The following RAE1 variants were observed in gnomAD, a reference collection of about 807,000 sequenced individuals.
RAE1 encodes the protein mRNA export factor RAE1.
A neutral mutation model predicts 52.7 loss-of-function variants in RAE1; 13 were observed. The ratio of observed to expected loss-of-function variants is 0.25; its 90% CI spans 0.16 to 0.39. The LOEUF is 0.39. Ranked by LOEUF, RAE1 falls within the 10% of genes least tolerant of loss-of-function variation. The pLI is 1.00. For missense variants in RAE1, 262 were observed against 459.8 expected, an observed-to-expected ratio of 0.57 and a Z score of 3.93; for synonymous variants, 164 against 153.1, an observed-to-expected ratio of 1.07 and a Z score of -0.52.
intron 11 of RAE1, 53 bp downstream of exon 11, chr20:57,374,854 T>G: frequency 6.2e-7 from 1 of 1,603,886 alleles, no homozygotes; most frequent in Non-Finnish European, 8.5e-7. Flanking sequence ...AGCCAGGCTC[T>G]GGGTTCAGAA....
chr20:57,362,392 G>A (rs2066902801), intron 4 of RAE1, among the ~76,000 whole-genome samples: 1 of 152,148 alleles, frequency 6.6e-6, no homozygotes, highest in South Asian at 2.1e-4. Flanking sequence ...GAAAAGTGAA[G>A]CATTCATTTC....
chr20:57,376,379 A>G (rs2146183316), intron 11 of RAE1, among the ~76,000 whole-genome samples: 1 of 152,324 alleles, frequency 6.6e-6, no homozygotes. Context: ...TTTTGTGTAT[A>G]TTACTGTAAT....
At position 57,351,359 on chromosome 20, in the gene RAE1, G is replaced by T. The variant is rs766507329; in HGVS notation, c.-71G>T. 5.4e-5 allele frequency: 53 copies of T among 985,438 alleles called. No homozygotes were observed. The highest frequency in any genetic ancestry group is 6.4e-5 in the Non-Finnish European group (53 of 829,964). 61.0% of individuals were successfully genotyped at this position (985,438 alleles called of 1,614,324 possible). ...GCCCTCGTCCTTCGCGCCAGAGCAG[G>T]TTCGCAAACTCCTCAGACCCTTCTG... On this transcript the variant is annotated 5_prime_UTR_variant, in exon 1 of 12. Coordinates refer to ENST00000395841, the MANE Select transcript of RAE1 (RefSeq NM_003610.4).
At chr20:57,376,202 CCT>C (rs2067112313) in intron 11 of RAE1, among the ~76,000 whole-genome samples, 2 of 152,200 alleles carry the variant, frequency 1.3e-5, no homozygotes, top group African/African-American at 4.8e-5. Context: ...TCTGTGTTTC[CCT>C]GTTTGAGGGT....
chr20:57,363,669 T>TA (rs2066918278), intron 4 of RAE1, among the ~76,000 whole-genome samples: 1 of 152,034 alleles, frequency 6.6e-6, no homozygotes, highest in Non-Finnish European at 1.5e-5. Context: ...ACCGTGTCTC[T>TA]AAAAAAATAA....
chr20:57,373,781 C>G (rs759584863), intron 10 of RAE1, 43 bp downstream of exon 10: 1 of 1,574,648 alleles, frequency 6.4e-7, no homozygotes, highest in Non-Finnish European at 8.7e-7. Context: ...CATCTGGAAA[C>G]CAGACTTGGA....
Position 57,365,376 on chromosome 20 carries a change from G to A in RAE1, c.309G>A (p.Thr103=), listed in dbSNP as rs141168967. ...TTTAGGATGGGAGCAAAGTGTTTACGGCATCGTGTGATAAAACTGCCAAAA... is the reference window on the plus strand; with the variant it reads ...TTTAGGATGGGAGCAAAGTGTTTACAGCATCGTGTGATAAAACTGCCAAAA... ...CWSDDGSKVF[T]ASCDKTAKMW... is the part of the protein sequence containing the mutation. Residue 103 remains threonine, a synonymous_variant, in exon 5 of 12, where the codon ACG becomes ACA. Transcript: ENST00000395841. 1.1e-4 allele frequency: 174 copies of A among 1,609,296 alleles called. 2 individuals carry two copies. Among genetic ancestry groups the A allele is most frequent in the African/African-American group, 8.4e-4 (63 of 74,862 alleles).
intron 1 of RAE1, chr20:57,352,119 A>T (rs747532655): frequency 3.4e-5 from 12 of 351,202 alleles, no homozygotes; most frequent in Non-Finnish European, 4.8e-5. Context: ...GAAGCGTCTG[A>T]GGAGGTGACT....
chr20:57,366,909 G>A lies in RAE1; in HGVS notation c.462+16G>A. On this transcript the variant is annotated intron_variant, in intron 6 of 11. Transcript: ENST00000395841. ...GACTTTAAAGGTATAATGTGCAGTT[G>A]AGGCATTGTTTGGCCCCATCAGGAT... 3.1e-6 allele frequency: 5 copies of A among 1,600,988 alleles called. No homozygotes were observed. The highest frequency in any genetic ancestry group is 8.6e-7 in the Non-Finnish European group (1 of 1,168,084).
intron 5 of RAE1, among the ~76,000 whole-genome samples, chr20:57,365,673 A>G (rs1423911712): frequency 6.6e-6 from 1 of 152,152 alleles, no homozygotes; most frequent in Admixed American, 6.5e-5. Context: ...TCATATATGT[A>G]TGGATGGAGT....
chr20:57,375,948 G>A lies in RAE1; in HGVS notation c.1020+1147G>A, dbSNP rs117376471. ...GCCCCTCTTGCCTTGCTGGCCCCCCGCTATCTCAGCCTGGGGGGCCACCAC... is the reference window on the plus strand; with the variant it reads ...GCCCCTCTTGCCTTGCTGGCCCCCCACTATCTCAGCCTGGGGGGCCACCAC... On this transcript the variant is annotated intron_variant, in intron 11 of 11. Coordinates refer to ENST00000395841, the MANE Select transcript of RAE1 (RefSeq NM_003610.4). Among the ~76,000 whole-genome samples, 20 of 152,256 alleles carry A rather than the reference G, an allele frequency of 1.3e-4. No individual in the cohort carries two copies. In the East Asian group the frequency reaches 1.5e-3, roughly 12 times the overall value.
At chr20:57,373,777 G>A (rs1396110112) in intron 10 of RAE1, 39 bp downstream of exon 10, 3 of 1,579,698 alleles carry the variant, frequency 1.9e-6, no homozygotes, top group African/African-American at 2.7e-5. Flanking sequence ...AATACATCTG[G>A]AAACCAGACT....
chr20:57,365,876 G>A (rs572726403), intron 5 of RAE1, among the ~76,000 whole-genome samples: 12 of 152,208 alleles, frequency 7.9e-5, no homozygotes, highest in South Asian at 4.1e-4. Context: ...TTCCCCACAC[G>A]TGTGGAACTT....
intron 3 of RAE1, among the ~76,000 whole-genome samples, chr20:57,355,214 A>G (rs1329488031): frequency 6.6e-6 from 1 of 152,182 alleles, no homozygotes; most frequent in Non-Finnish European, 1.5e-5. Context: ...TTGCCTAGAT[A>G]CTTACTCATC....
chr20:57,365,229 C>A, intron 4 of RAE1, 127 bp from the exon 5 acceptor site: 1 of 590,556 alleles, frequency 1.7e-6, no homozygotes, highest in Non-Finnish European at 2.8e-6. Context: ...TACACTGGTC[C>A]CCAAACAATT....
chr20:57,366,466 A>C (rs903120411), intron 5 of RAE1, among the ~76,000 whole-genome samples: 1 of 152,202 alleles, frequency 6.6e-6, no homozygotes. Context: ...AAAGAGAGCT[A>C]TGGGAGAGAG....
At chr20:57,352,071 G>A (rs917966477) in intron 1 of RAE1, 13 of 768,652 alleles carry the variant, frequency 1.7e-5, no homozygotes, top group Non-Finnish European at 2.1e-5. Context: ...AAATTCCAGG[G>A]GATGTGATGG....
chr20:57,373,437 T>C, intron 8 of RAE1, 38 bp from the exon 9 acceptor site: 1 of 1,576,484 alleles, frequency 6.3e-7, no homozygotes, highest in Non-Finnish European at 8.7e-7. Flanking sequence ...AATCTTATAT[T>C]ATGCTGTGAT....
At position 57,379,069 on chromosome 20, in the gene RAE1, T is replaced by G. The variant is rs910546838; in HGVS notation, c.*970T>G. 9.2e-5 allele frequency: 14 copies of G among 152,210 alleles called. No individual in the cohort carries two copies. The highest frequency in any genetic ancestry group is 3.3e-4 in the Admixed American group (5 of 15,272). The allele number at this position is 152,210 out of a possible 1,614,324, so 9.4% of individuals were successfully genotyped here. ...TTTCTCACCTGTGATCTCAAATGCT[T>G]CTTAGGCCTTTCTGTTTGGACTAAT... On this transcript the variant is annotated 3_prime_UTR_variant, in exon 12 of 12. Transcript: ENST00000395841.
Sources: allele counts gnomAD v4.1 joint callset (sites outside exome capture counted in the v4.1 genomes callset), GRCh38; gene constraint gnomAD v4.1.1; transcripts MANE v1.5; gene names NCBI Gene and HGNC (gene_info 2026-07-23, HGNC 2026-07-21).